ZNF521: variants seen among roughly 807,000 people sequenced by gnomAD.
ZNF521 encodes LYST-interacting protein 3.
A neutral mutation model predicts 105.5 loss-of-function variants in ZNF521; 14 were observed. The ratio of observed to expected loss-of-function variants is 0.13; its 90% CI spans 0.09 to 0.21. The LOEUF (loss-of-function observed/expected upper bound fraction) is 0.21, where lower values mean the gene tolerates loss of function less well. Ranked by LOEUF, ZNF521 falls within the 10% of genes least tolerant of loss-of-function variation. The pLI is 1.00. For synonymous variants in ZNF521, 635 were observed against 606.0 expected, an observed-to-expected ratio of 1.05 and a Z score of -0.70; for missense variants, 1,233 against 1,629.7, an observed-to-expected ratio of 0.76 and a Z score of 4.19.
At chr18:25,232,036 T>G (rs1456564086) in intron 3 of ZNF521, among the ~76,000 whole-genome samples, 1 of 152,206 alleles carries the variant, frequency 6.6e-6, no homozygotes, top group African/African-American at 2.4e-5. Context: ...CATCGGGGAC[T>G]CAGTATCATG....
chr18:25,136,211 T>C (rs2034730306), intron 5 of ZNF521, among the ~76,000 whole-genome samples: 1 of 152,202 alleles, frequency 6.6e-6, no homozygotes, highest in Non-Finnish European at 1.5e-5. Flanking sequence ...ATGCAGAAAG[T>C]GCATAGTGAT....
At chr18:25,223,864 G>A (rs994713880) in intron 4 of ZNF521, among the ~76,000 whole-genome samples, 1 of 152,252 alleles carries the variant, frequency 6.6e-6, no homozygotes, top group Admixed American at 6.5e-5. Flanking sequence ...AAGAAAAACA[G>A]TGAGTGTTGA....
chr18:25,280,800 G>A (rs1264916203), intron 3 of ZNF521, among the ~76,000 whole-genome samples: 1 of 152,202 alleles, frequency 6.6e-6, no homozygotes. Context: ...GGTTTTCCCA[G>A]CCTTCTAGGA....
rs142067294 is a variant in ZNF521 at position 25,216,851 on chromosome 18, C to T, written c.3573+7494G>A. 2.5e-3 allele frequency among the ~76,000 whole-genome samples: 376 copies of T among 152,222 alleles called. 1 individual carries two copies. The highest frequency in any genetic ancestry group is 3.9e-3 in the Non-Finnish European group (268 of 68,004). ...GATTATAGGCATGAGGCATCATGCC[C>T]GGCCGAGTGAACAAATAATGACATT... On this transcript the variant is annotated intron_variant, in intron 4 of 7. Transcript: ENST00000361524.
intron 5 of ZNF521, among the ~76,000 whole-genome samples, chr18:25,121,922 T>C (rs2034451545): frequency 1.3e-5 from 2 of 151,858 alleles, no homozygotes; most frequent in South Asian, 4.2e-4. Context: ...TGGCATCCAA[T>C]GAAAAATCAC....
intron 2 of ZNF521, among the ~76,000 whole-genome samples, chr18:25,332,551 C>T (rs1284647746): frequency 2.0e-5 from 3 of 152,088 alleles, no homozygotes; most frequent in Admixed American, 2.0e-4. Flanking sequence ...CAAAAATAAA[C>T]TATAAAAATA....
chr18:25,184,703 G>A (rs1234297609), intron 5 of ZNF521, among the ~76,000 whole-genome samples: 1 of 152,174 alleles, frequency 6.6e-6, no homozygotes, highest in East Asian at 1.9e-4. Flanking sequence ...TCTATTGAAG[G>A]TGTGTCAGTT....
chr18:25,346,953 AT>A (rs1555668396), intron 2 of ZNF521, among the ~76,000 whole-genome samples: 1 of 152,170 alleles, frequency 6.6e-6, no homozygotes, highest in Non-Finnish European at 1.5e-5. Context: ...ACACCTTTAT[AT>A]AGTGGACCAC....
chr18:25,195,468 C>T (rs2035886761), intron 4 of ZNF521, among the ~76,000 whole-genome samples: 1 of 151,582 alleles, frequency 6.6e-6, no homozygotes, highest in African/African-American at 2.4e-5. Flanking sequence ...AACAGAAGCA[C>T]ATAATTATGG....
At chr18:25,113,755 C>CGGAT (rs2034243824) in intron 5 of ZNF521, among the ~76,000 whole-genome samples, 2 of 122,842 alleles carry the variant, frequency 1.6e-5, no homozygotes, top group South Asian at 5.9e-4. Context: ...GACCGAAGGA[C>CGGAT]GGACGGACAC....
At chr18:25,288,263 C>T (rs983018104) in intron 3 of ZNF521, among the ~76,000 whole-genome samples, 1 of 152,108 alleles carries the variant, frequency 6.6e-6, no homozygotes, top group Non-Finnish European at 1.5e-5. Flanking sequence ...AAATGTGATG[C>T]CCTCCGATGT....
At chr18:25,141,613 C>T (rs2034849694) in intron 5 of ZNF521, among the ~76,000 whole-genome samples, 2 of 152,172 alleles carry the variant, frequency 1.3e-5, no homozygotes, top group African/African-American at 2.4e-5. Context: ...TCAGGATTTA[C>T]ACTCTTTGTA....
intron 3 of ZNF521, among the ~76,000 whole-genome samples, chr18:25,291,590 C>T (rs150037203): frequency 2.3e-4 from 35 of 152,202 alleles, no homozygotes; most frequent in African/African-American, 5.5e-4. Flanking sequence ...GCTCATCTTC[C>T]ACCAGGAGAA....
chr18:25,309,990 A>G (rs886902422), intron 3 of ZNF521, among the ~76,000 whole-genome samples: 25 of 152,208 alleles, frequency 1.6e-4, no homozygotes, highest in African/African-American at 6.0e-4. Flanking sequence ...TTATTTTGCA[A>G]GAATGATAGA....
intron 3 of ZNF521, among the ~76,000 whole-genome samples, chr18:25,240,762 T>G (rs1029483079): frequency 1.3e-5 from 2 of 151,882 alleles, no homozygotes; most frequent in African/African-American, 2.4e-5. Flanking sequence ...TTAAGACCCA[T>G]AGAGGGTACA....
intron 7 of ZNF521, among the ~76,000 whole-genome samples, chr18:25,069,748 AT>A (rs1392156820): frequency 3.9e-5 from 6 of 152,142 alleles, no homozygotes; most frequent in Non-Finnish European, 8.8e-5. Flanking sequence ...TGCATAGTGG[AT>A]TTTTTTCATA....
At chr18:25,256,804 G>GA (rs370169502) in intron 3 of ZNF521, among the ~76,000 whole-genome samples, 6,058 of 147,828 alleles carry the variant, frequency 0.041, 325 homozygotes, top group African/African-American at 0.13. Context: ...GCAGCTGAAG[G>GA]AAAAAAAAAA....
At chr18:25,248,640 C>T (rs141341401) in intron 3 of ZNF521, among the ~76,000 whole-genome samples, 1 of 152,116 alleles carries the variant, frequency 6.6e-6, no homozygotes, top group East Asian at 1.9e-4. Context: ...AGATAAAGAA[C>T]CTTTACACAC....
rs146915375 is a variant in ZNF521, at chr18:25,241,150, T to C, written c.221-13453A>G. 3.9e-5 allele frequency among the ~76,000 whole-genome samples: 6 copies of C among 152,234 alleles called. No homozygotes were observed. The East Asian group carries it at 9.7e-4, about 25-fold the overall frequency. On this transcript the variant is annotated intron_variant, in intron 3 of 7. Transcript: ENST00000361524. ...CTCCTTTATATTAGTGATAACCCCA[T>C]ACTTTCACCTGCAGTGAAGGCTCTC...
Sources: allele counts gnomAD v4.1 joint callset (sites outside exome capture counted in the v4.1 genomes callset), GRCh38; gene constraint gnomAD v4.1.1; transcripts MANE v1.5; gene names NCBI Gene and HGNC (gene_info 2026-07-23, HGNC 2026-07-21).